The following CNBD1 variants were observed in gnomAD, a reference collection of about 807,000 sequenced individuals.
CNBD1 encodes the protein cyclic nucleotide binding domain containing 1, also known as cyclic nucleotide-binding domain-containing protein 1.
In CNBD1, 71 loss-of-function variants were observed where a neutral mutation model predicts 54.4. The ratio of observed to expected loss-of-function variants is 1.30; its 90% confidence interval spans 1.08 to 1.59. The LOEUF (loss-of-function observed/expected upper bound fraction) is 1.59. Ranked by LOEUF, CNBD1 falls within the 40% of genes most tolerant of loss-of-function variation. The pLI is 0.00. For missense variants in CNBD1, 659 were observed against 518.0 expected, an observed-to-expected ratio of 1.27 and a Z score of -2.64; for synonymous variants, 182 against 170.7, an observed-to-expected ratio of 1.07 and a Z score of -0.51.
intron 4 of CNBD1, among the ~76,000 whole-genome samples, chr8:87,052,739 C>T (rs1419315784): frequency 6.6e-6 from 1 of 152,156 alleles, no homozygotes; most frequent in Non-Finnish European, 1.5e-5. Flanking sequence ...CCTGTTTCTC[C>T]ACAGCAGTCA....
chr8:87,316,133 C>T (rs1190126352), intron 8 of CNBD1, among the ~76,000 whole-genome samples: 1 of 151,826 alleles, frequency 6.6e-6, no homozygotes, highest in Non-Finnish European at 1.5e-5. Flanking sequence ...TTCTACATGG[C>T]AAAAGGTTTA....
intron 2 of CNBD1, among the ~76,000 whole-genome samples, chr8:87,405,427 A>G (rs1807635646): frequency 6.6e-6 from 1 of 152,122 alleles, no homozygotes; most frequent in Admixed American, 6.6e-5. Context: ...AGAGAATAAT[A>G]TTCCTAAGAG....
chr8:87,325,621 G>T (rs935198090), intron 8 of CNBD1, among the ~76,000 whole-genome samples: 11 of 135,432 alleles, frequency 8.1e-5, no homozygotes, highest in South Asian at 7.0e-4. Flanking sequence ...GACTAGGATT[G>T]CAACCCCTGC....
intron 8 of CNBD1, among the ~76,000 whole-genome samples, chr8:87,345,033 A>G (rs1810141613): frequency 6.6e-6 from 1 of 152,182 alleles, no homozygotes. Flanking sequence ...TGCGCTAGTT[A>G]TAGTGCACTG....
downstream of CNBD1, among the ~76,000 whole-genome samples, chr8:87,384,545 T>A (rs747152973): frequency 3.3e-5 from 5 of 152,162 alleles, no homozygotes; most frequent in Non-Finnish European, 7.3e-5. Flanking sequence ...ATTTCCTCCA[T>A]GTAGGAATGA....
intron 6 of CNBD1, among the ~76,000 whole-genome samples, chr8:87,262,814 T>C (rs556749452): frequency 1.3e-5 from 2 of 152,330 alleles, no homozygotes; most frequent in Non-Finnish European, 2.9e-5. Context: ...TCTGGTATCT[T>C]CCTTATGATC....
At chr8:87,075,850 A>G (rs1396300167) in intron 4 of CNBD1, among the ~76,000 whole-genome samples, 1 of 152,166 alleles carries the variant, frequency 6.6e-6, no homozygotes, top group East Asian at 1.9e-4. Context: ...AATGGTGCCT[A>G]GACTGAACCC....
chr8:87,226,290 A>T (rs1326891148), intron 5 of CNBD1, among the ~76,000 whole-genome samples: 1 of 150,426 alleles, frequency 6.6e-6, no homozygotes, highest in Non-Finnish European at 1.5e-5. Flanking sequence ...TAGCTTTTGA[A>T]TGTGTTTGCT....
At chr8:87,285,949 C>T (rs758191987) in intron 7 of CNBD1, among the ~76,000 whole-genome samples, 12 of 152,130 alleles carry the variant, frequency 7.9e-5, no homozygotes, top group African/African-American at 2.7e-4. Flanking sequence ...TTTGAATGAG[C>T]TTAAGCCAGG....
chr8:87,289,559 T>A (rs1808750770), intron 8 of CNBD1, among the ~76,000 whole-genome samples: 1 of 152,128 alleles, frequency 6.6e-6, no homozygotes, highest in Non-Finnish European at 1.5e-5. Flanking sequence ...TATTTTGTTG[T>A]TTTCTTGCTT....
intron 4 of CNBD1, among the ~76,000 whole-genome samples, chr8:87,172,587 A>C (rs768421686): frequency 1.3e-5 from 2 of 152,110 alleles, no homozygotes; most frequent in African/African-American, 4.8e-5. Context: ...TACAATTATT[A>C]TATATTCTTG....
intron 1 of CNBD1, among the ~76,000 whole-genome samples, chr8:86,868,081 G>A (rs1010234601): frequency 3.9e-5 from 6 of 152,164 alleles, no homozygotes; most frequent in Admixed American, 1.3e-4. Flanking sequence ...AGCAAGCACT[G>A]ATTGTCTCAC....
chr8:87,030,631 T>A (rs1421435929), intron 4 of CNBD1, among the ~76,000 whole-genome samples: 1 of 152,150 alleles, frequency 6.6e-6, no homozygotes, highest in Non-Finnish European at 1.5e-5. Flanking sequence ...ATTTTAATGA[T>A]CTTCAGGATT....
intron 4 of CNBD1, among the ~76,000 whole-genome samples, chr8:87,190,933 A>ACATGTACCTATATCTATT (rs1813597066): frequency 6.7e-6 from 1 of 149,396 alleles, no homozygotes; most frequent in African/African-American, 2.5e-5. Context: ...CTATTTAGAT[A>ACATGTACCTATATCTATT]TAGATATAGA....
intron 4 of CNBD1, among the ~76,000 whole-genome samples, chr8:87,205,245 G>A (rs1425672096): frequency 6.6e-6 from 1 of 152,090 alleles, no homozygotes; most frequent in Non-Finnish European, 1.5e-5. Flanking sequence ...TGTTGGCCAG[G>A]ATAGTCTTGA....
At chr8:86,934,008 T>C (rs947963598) in intron 3 of CNBD1, among the ~76,000 whole-genome samples, 2 of 152,160 alleles carry the variant, frequency 1.3e-5, no homozygotes, top group African/African-American at 2.4e-5. Flanking sequence ...CTTGATAGGA[T>C]AAAAACATTT....
chr8:87,395,657 T>G (rs1811395481), intron 2 of CNBD1, among the ~76,000 whole-genome samples: 1 of 151,856 alleles, frequency 6.6e-6, no homozygotes, highest in South Asian at 2.1e-4. Context: ...ATCACAGGCA[T>G]AAGAACACAG....
At chr8:87,413,451 C>T (rs912748513) in intron 2 of CNBD1, among the ~76,000 whole-genome samples, 12 of 152,002 alleles carry the variant, frequency 7.9e-5, no homozygotes, top group African/African-American at 2.2e-4. Context: ...TCAATTAAAT[C>T]CCTTGAAGTT....
At chr8:87,328,478 C>T (rs1325564315) in intron 8 of CNBD1, among the ~76,000 whole-genome samples, 1 of 149,488 alleles carries the variant, frequency 6.7e-6, no homozygotes, top group Non-Finnish European at 1.5e-5. Context: ...ATTTAATTGG[C>T]CTTTGTGCTA....
Sources: allele counts gnomAD v4.1 joint callset (sites outside exome capture counted in the v4.1 genomes callset), GRCh38; gene constraint gnomAD v4.1.1; transcripts MANE v1.5; gene names NCBI Gene and HGNC (gene_info 2026-07-23, HGNC 2026-07-21).